Variants in EFEMP1 observed in about 807,000 individuals in gnomAD.
EFEMP1 encodes the protein EGF-like fibulin extracellular matrix protein 1, also known as EGF-containing fibulin-like extracellular matrix protein 1.
In EFEMP1, 18 loss-of-function variants were observed where a neutral mutation model predicts 65.7. The ratio of observed to expected loss-of-function variants is 0.27; its 90% CI spans 0.19 to 0.41. The LOEUF (loss-of-function observed/expected upper bound fraction) is 0.41. Among genes scored for constraint, EFEMP1 ranks in the 10% least tolerant of loss-of-function variants. The probability of loss-of-function intolerance (pLI) is 1.00; values close to 1 mark genes in which losing one functional copy is unlikely to be tolerated. For synonymous variants in EFEMP1, 237 were observed against 219.7 expected, an observed-to-expected ratio of 1.08 and a Z score of -0.70; for missense variants, 469 against 624.8, an observed-to-expected ratio of 0.75 and a Z score of 2.66.
At position 55,885,853 on chromosome 2, in the gene EFEMP1, G is replaced by C. The variant is rs1445667590; in HGVS notation, c.518-4119C>G. 6.6e-6 allele frequency among the ~76,000 whole-genome samples: 1 copy of C among 151,988 alleles called. No individual in the cohort carries two copies. Among genetic ancestry groups the C allele is most frequent in the Non-Finnish European group, 1.5e-5 (1 of 67,998 alleles). On this transcript the variant is annotated intron_variant, in intron 5 of 11. Transcript: ENST00000355426. The surrounding 1 kb of genome is among the most constrained non-coding windows in gnomAD (Gnocchi z 4.3). ...TTAGGCCCTCATTCTCTATGTTTTT[G>C]GCTCCTTCCCTTCAGTCTGACTCAT... is the stretch of plus-strand genomic sequence containing the variant.
Position 55,867,064 on chromosome 2 carries a change from T to C in EFEMP1, c.*9A>G, listed in dbSNP as rs199663914. On this transcript the variant is annotated 3_prime_UTR_variant, in exon 12 of 12. Coordinates refer to ENST00000355426, the MANE Select transcript of EFEMP1 (RefSeq NM_001039348.3). This position sits in a 1 kb window ranked among gnomAD's most constrained non-coding sequence, Gnocchi z 4.3. Reference sequence around the variant, plus strand: ...GACTTAAATGCCTGTGGTTGACTCTTAGAAAAGACTAAAATGAAAATGGCC... The same window carrying C: ...GACTTAAATGCCTGTGGTTGACTCTCAGAAAAGACTAAAATGAAAATGGCC... 6.2e-7 allele frequency: 1 copy of C among 1,611,950 alleles called. No individual in the cohort carries two copies. The highest frequency in any genetic ancestry group is 1.3e-5 in the African/African-American group (1 of 74,980).
At position 55,870,744 on chromosome 2, in the gene EFEMP1, A is replaced by G. The variant is rs534909303; in HGVS notation, c.1296T>C (p.Asn432=). Residue 432 remains asparagine, a synonymous_variant, in exon 11 of 12, where the codon AAT becomes AAC. Coordinates refer to ENST00000355426, the MANE Select transcript of EFEMP1 (RefSeq NM_001039348.3). The surrounding 1 kb of genome is among the most constrained non-coding windows in gnomAD (Gnocchi z 5.8). ...CTCGTAGGTAGAACTCTCCATTTTC[A>G]TTTCCAGATTTAATCCGAAAAGTAT... is the stretch of plus-strand genomic sequence containing the variant. ...TINTFRIKSG[N]ENGEFYLRQT... The G allele has an allele frequency of 3.1e-6, 5 of 1,613,702 alleles. No individual in the cohort carries two copies. Among genetic ancestry groups the G allele is most frequent in the Non-Finnish European group, 4.2e-6 (5 of 1,179,708 alleles).
rs953190782 is a variant in EFEMP1, at chr2:55,867,389, T to C, written c.1321-155A>G. 1.3e-5 allele frequency among the ~76,000 whole-genome samples: 2 copies of C among 152,118 alleles called. No individual in the cohort carries two copies. Among genetic ancestry groups the C allele is most frequent in the African/African-American group, 4.8e-5 (2 of 41,428 alleles). ...GGTCCCTTCTTGGTTTCAACTCTTC[T>C]TGGCTCTTATCCCTTGTCTAATACA... is the stretch of plus-strand genomic sequence containing the variant. On this transcript the variant is annotated intron_variant, in intron 11 of 11. Coordinates refer to ENST00000355426, the MANE Select transcript of EFEMP1 (RefSeq NM_001039348.3). This position sits in a 1 kb window ranked among gnomAD's most constrained non-coding sequence, Gnocchi z 4.3.
Position 55,918,370 on chromosome 2 carries a change from G to A in EFEMP1, c.82-103C>T. On this transcript the variant is annotated intron_variant, in intron 3 of 11. Transcript: ENST00000355426. ...CTTCATTCTTATGGCAACAATCCTTGTGCTAAAGTCCTAGATATATGATGA... is the reference window on the plus strand; with the variant it reads ...CTTCATTCTTATGGCAACAATCCTTATGCTAAAGTCCTAGATATATGATGA... 9.0e-6 allele frequency: 12 copies of A among 1,334,410 alleles called. No homozygotes were observed. The South Asian group carries it at 1.4e-4, about 16-fold the overall frequency. 82.7% of individuals were successfully genotyped at this position (1,334,410 alleles called of 1,614,324 possible). A position where few individuals can be genotyped will look rare whatever the true frequency, so the allele number is the denominator to read the frequency against.
At position 55,866,191 on chromosome 2, in the gene EFEMP1, G is replaced by A. The variant is rs907681424; in HGVS notation, c.*882C>T. On this transcript the variant is annotated 3_prime_UTR_variant, in exon 12 of 12. Coordinates refer to ENST00000355426, the MANE Select transcript of EFEMP1 (RefSeq NM_001039348.3). ...TGAGAAATTTTAGTTATAAATTAGT[G>A]AAGTGTTAGGATTTAAATTTTACTT... 1 of 152,146 alleles carries A rather than the reference G, an allele frequency of 6.6e-6. No individual in the cohort carries two copies. Among genetic ancestry groups the A allele is most frequent in the African/African-American group, 2.4e-5 (1 of 41,436 alleles). The allele number at this position is 152,146 out of a possible 1,614,324, so 9.4% of individuals were successfully genotyped here. A position where few individuals can be genotyped will look rare whatever the true frequency, so the allele number is the denominator to read the frequency against.
rs1261876221 is a variant in EFEMP1, at chr2:55,919,244, C to T, written c.82-977G>A. Among the ~76,000 whole-genome samples, 2 of 152,180 alleles carry T rather than the reference C, an allele frequency of 1.3e-5. No homozygotes were observed. The highest frequency in any genetic ancestry group is 4.8e-5 in the African/African-American group (2 of 41,436). On this transcript the variant is annotated intron_variant, in intron 3 of 11. Coordinates refer to ENST00000355426, the MANE Select transcript of EFEMP1 (RefSeq NM_001039348.3). The surrounding 1 kb of genome is among the most constrained non-coding windows in gnomAD (Gnocchi z 4.5). ...GTTACAGAGGTAGGCAGGGCCAAAA[C>T]AAGAAAGCCTTTCTTTAGGAATGGA... is the stretch of plus-strand genomic sequence containing the variant.
intron 9 of EFEMP1, among the ~76,000 whole-genome samples, chr2:55,872,907 C>T (rs1668870485): frequency 6.6e-6 from 1 of 152,038 alleles, no homozygotes; most frequent in African/African-American, 2.4e-5. Flanking sequence ...AAGCAAAAGA[C>T]AACCTTATAA....
chr2:55,882,189 A>G (rs760348181), intron 5 of EFEMP1, among the ~76,000 whole-genome samples: 32 of 152,222 alleles, frequency 2.1e-4, no homozygotes, highest in Non-Finnish European at 4.3e-4. Flanking sequence ...TCCATCCAAT[A>G]TATTGTATTT....
In EFEMP1 at chr2:55,912,077, G is replaced by A. The variant is rs10182379; in HGVS notation, c.517+5588C>T. 8.4e-3 allele frequency among the ~76,000 whole-genome samples: 1,284 copies of A among 152,112 alleles called. 25 individuals are homozygous for A. Among genetic ancestry groups the A allele is most frequent in the African/African-American group, 0.03 (1,254 of 41,484 alleles). ...CTTAAGAGAATTTTCAGGTACTTGAGATAATTAACAACTAAAAACAATGAA... is the reference window on the plus strand; with the variant it reads ...CTTAAGAGAATTTTCAGGTACTTGAAATAATTAACAACTAAAAACAATGAA... On this transcript the variant is annotated intron_variant, in intron 5 of 11. Transcript: ENST00000355426.
At position 55,917,791 on chromosome 2, in the gene EFEMP1, G is replaced by C; in HGVS notation, c.391C>G (p.Gln131Glu). The C allele has an allele frequency of 6.2e-7, 1 of 1,614,200 alleles. No individual in the cohort carries two copies. Among genetic ancestry groups the C allele is most frequent in the South Asian group, 1.1e-5 (1 of 91,086 alleles). ...ATGACAAAGTTATTTCGGCCAGTCT[G>C]CATTTCAGGGCCTGCGACTGCAGCA... ...SAAAVAGPEMQTGRNNFVIRR... is the reference protein window; with the variant it reads ...SAAAVAGPEMETGRNNFVIRR... The change falls in exon 5 of 12, where the codon CAG (glutamine) becomes GAG (glutamate). Residue 131 changes from glutamine (Q) to glutamate (E), a missense_variant. Physicochemically the swap from Gln to Glu is conservative, Grantham distance 29. Transcript: ENST00000355426. This position sits in a 1 kb window ranked among gnomAD's most constrained non-coding sequence, Gnocchi z 6.3.
In EFEMP1 at chr2:55,922,380, C is replaced by T. The variant is rs1156475874; in HGVS notation, c.61G>A (p.Glu21Lys). 6.2e-7 allele frequency: 1 copy of T among 1,613,760 alleles called. No individual in the cohort carries two copies. The highest frequency in any genetic ancestry group is 8.5e-7 in the Non-Finnish European group (1 of 1,179,838). The change falls in exon 3 of 12, where the codon GAA (glutamate) becomes AAA (lysine). Residue 21 changes from glutamate (E) to lysine (K), a missense_variant. By Grantham distance (56) the Glu-to-Lys change is moderately conservative. Transcript: ENST00000355426. This position sits in a 1 kb window ranked among gnomAD's most constrained non-coding sequence, Gnocchi z 5.5. ...CTTACCGTGTACGTGATGGTTTCTT[C>T]GGTGTCCTGTGACTTGACCAGCGCC... ...TLALVKSQDT[E>K]ETITYTQCTD...
At chr2:55,893,920 T>A (rs541164211) in intron 5 of EFEMP1, among the ~76,000 whole-genome samples, 1 of 152,330 alleles carries the variant, frequency 6.6e-6, no homozygotes, top group African/African-American at 2.4e-5. Flanking sequence ...ATATTCCAGA[T>A]GAATGGATAC....
At chr2:55,874,035 A>T (rs1668926188) in intron 9 of EFEMP1, among the ~76,000 whole-genome samples, 1 of 152,024 alleles carries the variant, frequency 6.6e-6, no homozygotes, top group East Asian at 1.9e-4. Context: ...ATTTTTATGT[A>T]TGTTATTCCA....
rs1365552779 is a variant in EFEMP1 at position 55,885,609 on chromosome 2, C to A, written c.518-3875G>T. ...TTCCCTCATTTTTCAAAAATGTGCC[C>A]ACGTGCTCCCTCCTAGTGATTTATA... On this transcript the variant is annotated intron_variant, in intron 5 of 11. Coordinates refer to ENST00000355426, the MANE Select transcript of EFEMP1 (RefSeq NM_001039348.3). The surrounding 1 kb of genome is among the most constrained non-coding windows in gnomAD (Gnocchi z 4.3). Among the ~76,000 whole-genome samples the A allele has an allele frequency of 2.0e-5, 3 of 152,072 alleles. No homozygotes were observed. Among genetic ancestry groups the A allele is most frequent in the African/African-American group, 7.2e-5 (3 of 41,384 alleles).
At chr2:55,878,864 G>A (rs189755455) in intron 6 of EFEMP1, among the ~76,000 whole-genome samples, 80 of 152,256 alleles carry the variant, frequency 5.3e-4, no homozygotes, top group Middle Eastern at 3.4e-3. Flanking sequence ...CATAATGTAG[G>A]CAAAGTTACT....
intron 9 of EFEMP1, among the ~76,000 whole-genome samples, chr2:55,874,520 A>G (rs1276544391): frequency 6.6e-6 from 1 of 152,080 alleles, no homozygotes; most frequent in Non-Finnish European, 1.5e-5. Context: ...TTTTCTCAGC[A>G]CCTACATTCT....
chr2:55,890,195 T>A (rs1242735489), intron 5 of EFEMP1, among the ~76,000 whole-genome samples: 1 of 151,516 alleles, frequency 6.6e-6, no homozygotes, highest in Non-Finnish European at 1.5e-5. Context: ...TTAGAAGAGG[T>A]TGACTTTATG....
intron 6 of EFEMP1, 132 bp downstream of exon 6, chr2:55,881,480 A>C: frequency 8.9e-7 from 1 of 1,117,352 alleles, no homozygotes; most frequent in East Asian, 2.5e-5. Flanking sequence ...ATGGATTGGT[A>C]GTCTATAAAA....
chr2:55,868,761 A>T (rs1668681866), intron 11 of EFEMP1, among the ~76,000 whole-genome samples: 1 of 152,146 alleles, frequency 6.6e-6, no homozygotes, highest in Admixed American at 6.5e-5. Flanking sequence ...TGAAATCAGA[A>T]AATGTGCATT....
Sources: allele counts gnomAD v4.1 joint callset (sites outside exome capture counted in the v4.1 genomes callset), GRCh38; gene constraint gnomAD v4.1.1; non-coding constraint Gnocchi (gnomAD v3.1); transcripts MANE v1.5; gene names NCBI Gene and HGNC (gene_info 2026-07-23, HGNC 2026-07-21).